The following ERC2 variants were observed in gnomAD, a reference collection of about 807,000 sequenced individuals.
ERC2 encodes ELKS/RAB6-interacting/CAST family member 2.
Under a neutral mutation model 114.8 loss-of-function variants are expected in ERC2, and 42 were observed. The ratio of observed to expected loss-of-function variants is 0.37; its 90% CI spans 0.29 to 0.47. ERC2 has a LOEUF of 0.47. Ranked by LOEUF, ERC2 falls within the 20% of genes least tolerant of loss-of-function variation. The pLI is 0.99. For missense variants in ERC2, 939 were observed against 1,150.7 expected, an observed-to-expected ratio of 0.82 and a Z score of 2.66; for synonymous variants, 454 against 425.5, an observed-to-expected ratio of 1.07 and a Z score of -0.82.
Position 56,087,587 on chromosome 3 carries a change from G to A in ERC2, c.1474-6603C>T, listed in dbSNP as rs193040612. Among the ~76,000 whole-genome samples, 15 of 152,116 alleles carry A rather than the reference G, an allele frequency of 9.9e-5. No individual in the cohort carries two copies. The East Asian group carries it at 2.7e-3, about 27-fold the overall frequency. On this transcript the variant is annotated intron_variant, in intron 6 of 17. Coordinates refer to ENST00000288221, the MANE Select transcript of ERC2 (RefSeq NM_015576.3). ...TCATTTCAATCTTAAAATGACTACTGCAACACTTGAGAGAAAAAAACACCT... is the reference window on the plus strand; with the variant it reads ...TCATTTCAATCTTAAAATGACTACTACAACACTTGAGAGAAAAAAACACCT...
chr3:55,873,053 A>G (rs1278740060), intron 14 of ERC2, among the ~76,000 whole-genome samples: 1 of 152,182 alleles, frequency 6.6e-6, no homozygotes, highest in Admixed American at 6.5e-5. Flanking sequence ...TAAACACAGG[A>G]TAGGCCCCAC....
intron 15 of ERC2, among the ~76,000 whole-genome samples, chr3:55,706,385 T>G (rs887261907): frequency 2.7e-5 from 4 of 148,806 alleles, no homozygotes; most frequent in Non-Finnish European, 6.0e-5. Context: ...TGTTTTTTTT[T>G]GTTTTTGTTT....
Position 55,899,571 on chromosome 3 carries a change from T to C in ERC2, c.2404-11022A>G, listed in dbSNP as rs555552986. On this transcript the variant is annotated intron_variant, in intron 13 of 17. Transcript: ENST00000288221. ...TACAAAGAAATTAAATAATAAATTA[T>C]GGGCACCCAATTGTTGAGATGTTCG... Among the ~76,000 whole-genome samples, 3 of 152,204 alleles carry C rather than the reference T, an allele frequency of 2.0e-5. No individual in the cohort carries two copies. In the East Asian group the frequency reaches 5.8e-4, roughly 29 times the overall value.
At chr3:55,697,634 G>A (rs994795944) in intron 16 of ERC2, among the ~76,000 whole-genome samples, 12 of 152,162 alleles carry the variant, frequency 7.9e-5, no homozygotes, top group African/African-American at 2.4e-4. Flanking sequence ...TAGAACATAT[G>A]AGCATATGTG....
intron 3 of ERC2, among the ~76,000 whole-genome samples, chr3:56,218,103 C>T (rs1394947770): frequency 6.6e-6 from 1 of 150,724 alleles, no homozygotes; most frequent in Non-Finnish European, 1.5e-5. Context: ...TCTAAAACAT[C>T]AAAAGCAATG....
intron 13 of ERC2, among the ~76,000 whole-genome samples, chr3:55,922,515 A>G (rs1168877807): frequency 6.6e-6 from 1 of 151,980 alleles, no homozygotes; most frequent in Non-Finnish European, 1.5e-5. Flanking sequence ...AAAACATCAA[A>G]CAGCTCTTCT....
chr3:55,918,244 G>A (rs375459634), intron 13 of ERC2, among the ~76,000 whole-genome samples: 12 of 152,098 alleles, frequency 7.9e-5, no homozygotes, highest in African/African-American at 2.9e-4. Flanking sequence ...CTAGGAGTAA[G>A]AGGAATCAGG....
At chr3:56,419,519 T>A (rs1241288792) in intron 2 of ERC2, among the ~76,000 whole-genome samples, 9 of 152,218 alleles carry the variant, frequency 5.9e-5, no homozygotes, top group Admixed American at 5.9e-4. Flanking sequence ...TGCAGTACAG[T>A]CCATCAGCAA....
rs576332372 is a variant in ERC2 at position 55,968,422 on chromosome 3, G to A, written c.2267+17555C>T. 3.9e-5 allele frequency among the ~76,000 whole-genome samples: 6 copies of A among 152,260 alleles called. No individual in the cohort carries two copies. The East Asian group carries it at 9.6e-4, about 24-fold the overall frequency. On this transcript the variant is annotated intron_variant, in intron 12 of 17. Coordinates refer to ENST00000288221, the MANE Select transcript of ERC2 (RefSeq NM_015576.3). ...TCTCTATGAACTGAAGGCATTTCCT[G>A]GGCAATTAATCAAGAGAAACTTTTA... is the stretch of plus-strand genomic sequence containing the variant.
chr3:55,767,079 G>A (rs2067850258), intron 14 of ERC2, among the ~76,000 whole-genome samples: 2 of 152,172 alleles, frequency 1.3e-5, no homozygotes, highest in African/African-American at 4.8e-5. Context: ...TGATAAAATG[G>A]TGAACAAAAC....
intron 13 of ERC2, among the ~76,000 whole-genome samples, chr3:55,899,192 T>C (rs1009359431): frequency 2.6e-5 from 4 of 152,234 alleles, no homozygotes; most frequent in Admixed American, 2.6e-4. Flanking sequence ...AACATTTACC[T>C]TTTTTGGTCA....
At chr3:55,822,149 C>A (rs1052342290) in intron 14 of ERC2, among the ~76,000 whole-genome samples, 14 of 152,106 alleles carry the variant, frequency 9.2e-5, no homozygotes, top group Admixed American at 7.9e-4. Flanking sequence ...TAAAGCCTTG[C>A]AAGTGTACAT....
intron 7 of ERC2, among the ~76,000 whole-genome samples, chr3:56,061,035 G>C (rs921101754): frequency 6.6e-5 from 10 of 152,120 alleles, no homozygotes; most frequent in Non-Finnish European, 1.2e-4. Context: ...ATTCTTCCCA[G>C]CCATGGTCTT....
intron 3 of ERC2, among the ~76,000 whole-genome samples, chr3:56,244,563 TGC>T (rs1029001875): frequency 7.9e-5 from 12 of 152,062 alleles, no homozygotes; most frequent in Non-Finnish European, 1.6e-4. Flanking sequence ...CCTGATCATG[TGC>T]AGGCCTGGAC....
intron 2 of ERC2, among the ~76,000 whole-genome samples, chr3:56,318,205 G>C (rs1223813818): frequency 6.6e-6 from 1 of 152,092 alleles, no homozygotes; most frequent in Non-Finnish European, 1.5e-5. Flanking sequence ...TCCTTCTTTT[G>C]AGACAATGTC....
chr3:56,090,578 T>G (rs1192761984), intron 6 of ERC2, among the ~76,000 whole-genome samples: 2 of 152,010 alleles, frequency 1.3e-5, no homozygotes, highest in East Asian at 3.8e-4. Context: ...AGATATAAAC[T>G]CTAAGAACTT....
intron 13 of ERC2, among the ~76,000 whole-genome samples, chr3:55,900,934 T>C (rs2064102386): frequency 1.3e-5 from 2 of 152,064 alleles, no homozygotes; most frequent in South Asian, 4.1e-4. Flanking sequence ...TCAGAAAGGG[T>C]AAAGGATTTT....
intron 5 of ERC2, among the ~76,000 whole-genome samples, chr3:56,140,763 C>T (rs1239445925): frequency 6.6e-6 from 1 of 152,138 alleles, no homozygotes; most frequent in Non-Finnish European, 1.5e-5. Context: ...GTATGACTCA[C>T]ACCTATAATC....
At chr3:55,581,265 G>A (rs964521947) in intron 17 of ERC2, among the ~76,000 whole-genome samples, 2 of 152,186 alleles carry the variant, frequency 1.3e-5, no homozygotes, top group African/African-American at 4.8e-5. Context: ...AAAAAGGAAA[G>A]TAAGGGGGAA....
Sources: gnomAD v4.1 joint callset for allele counts (sites outside exome capture counted in the v4.1 genomes callset) on GRCh38, gnomAD v4.1.1 for gene constraint, MANE v1.5 for transcripts, NCBI Gene and HGNC (gene_info 2026-07-23, HGNC 2026-07-21) for gene names.